Variants in NDC80 observed in about 807,000 individuals in gnomAD.
NDC80 encodes the protein NDC80 kinetochore complex component.
Under a neutral mutation model 89.3 loss-of-function variants are expected in NDC80, and 69 were observed. The observed-to-expected ratio is 0.77, with a 90% CI of 0.64 to 0.94. NDC80 has a LOEUF of 0.94. Ranked by LOEUF, NDC80 falls within the 40% of genes least tolerant of loss-of-function variation. The probability of loss-of-function intolerance (pLI) is 0.00; values close to 1 mark genes in which losing one functional copy is unlikely to be tolerated. For synonymous variants in NDC80, 243 were observed against 255.6 expected (o/e 0.95, Z 0.47); for missense variants, 593 against 739.6 (o/e 0.80, Z 2.30).
At chr18:2,592,256 T>C (rs533389621) in intron 10 of NDC80, among the ~76,000 whole-genome samples, 1 of 152,300 alleles carries the variant, frequency 6.6e-6, no homozygotes, top group Admixed American at 6.5e-5. Flanking sequence ...ATCTAAGATG[T>C]TTTTATTCTA....
intron 12 of NDC80, 49 bp downstream of exon 12, chr18:2,599,220 A>G (rs750186309): frequency 1.3e-6 from 2 of 1,513,028 alleles, no homozygotes; most frequent in Non-Finnish European, 8.9e-7. Context: ...TGTGATTGGT[A>G]TCTCTAAGAG....
intron 10 of NDC80, chr18:2,593,930 T>TCTCAAA (rs1193710938): frequency 1.1e-5 from 1 of 91,360 alleles, no homozygotes; most frequent in East Asian, 4.5e-4. Context: ...TTTCCGGGAG[T>TCTCAAA]CTCACTCTGT....
At chr18:2,578,202 A>T in intron 5 of NDC80, 61 bp downstream of exon 5, 1 of 1,467,294 alleles carries the variant, frequency 6.8e-7, no homozygotes, top group Non-Finnish European at 9.3e-7. Flanking sequence ...AACAAATTAA[A>T]TCAATTTGTA....
intron 13 of NDC80, among the ~76,000 whole-genome samples, chr18:2,603,201 A>G (rs1200424695): frequency 6.6e-6 from 1 of 152,010 alleles, no homozygotes; most frequent in Non-Finnish European, 1.5e-5. Context: ...TTGAAGCCAT[A>G]TATGTGGATG....
At chr18:2,608,644 A>G in intron 14 of NDC80, 56 bp from the exon 15 acceptor site, 1 of 1,533,794 alleles carries the variant, frequency 6.5e-7, no homozygotes, top group South Asian at 1.2e-5. Flanking sequence ...AAATCCACCT[A>G]GAGTATACAG....
chr18:2,610,584 A>G (rs1346875768), intron 15 of NDC80, among the ~76,000 whole-genome samples, 175 bp from the exon 16 acceptor site: 1 of 152,168 alleles, frequency 6.6e-6, no homozygotes, highest in Non-Finnish European at 1.5e-5. Flanking sequence ...GAAAATGTTT[A>G]TATTTCTCTT....
At chr18:2,578,376 T>C (rs1409780401) in intron 5 of NDC80, among the ~76,000 whole-genome samples, 1 of 152,128 alleles carries the variant, frequency 6.6e-6, no homozygotes, top group Non-Finnish European at 1.5e-5. Flanking sequence ...CTGATCAAGT[T>C]TGATGATGGG....
intron 5 of NDC80, 82 bp downstream of exon 5, chr18:2,578,223 G>A: frequency 7.4e-7 from 1 of 1,353,290 alleles, no homozygotes; most frequent in Non-Finnish European, 1.0e-6. Context: ...AAAAGTTTGA[G>A]TTACAGAAAT....
chr18:2,578,701 G>A (rs981928350), intron 5 of NDC80, among the ~76,000 whole-genome samples: 6 of 152,296 alleles, frequency 3.9e-5, no homozygotes, highest in South Asian at 2.1e-4. Context: ...CATATTGGTT[G>A]TATAGGTCAA....
At position 2,575,082 on chromosome 18, in the gene NDC80, A is replaced by G. The variant is rs1430537849; in HGVS notation, c.179+16A>G. The G allele has an allele frequency of 1.3e-6, 2 of 1,562,252 alleles. No homozygotes were observed. The highest frequency in any genetic ancestry group is 2.3e-5 in the East Asian group (1 of 44,290). On this transcript the variant is annotated intron_variant, in intron 3 of 16. Coordinates refer to ENST00000261597, the MANE Select transcript of NDC80 (RefSeq NM_006101.3). ...TTGGCAAAAGGTAATTATATTTTTC[A>G]TTAGCTCTAATAAAGGGATTCTTAT...
chr18:2,586,599 G>A (rs1371626861), intron 7 of NDC80, among the ~76,000 whole-genome samples: 1 of 152,044 alleles, frequency 6.6e-6, no homozygotes, highest in Non-Finnish European at 1.5e-5. Flanking sequence ...GTGTGGTGGT[G>A]CGTGCCTGTG....
intron 15 of NDC80, among the ~76,000 whole-genome samples, chr18:2,609,760 A>T (rs1008078013): frequency 6.6e-6 from 1 of 152,200 alleles, no homozygotes; most frequent in African/African-American, 2.4e-5. Flanking sequence ...TACTGGATGC[A>T]TGTGGCTCAT....
chr18:2,611,558 G>C (rs774989812), intron 16 of NDC80, among the ~76,000 whole-genome samples: 1 of 152,066 alleles, frequency 6.6e-6, no homozygotes, highest in Non-Finnish European at 1.5e-5. Flanking sequence ...ATTCCTTTCT[G>C]TGATTTCATA....
chr18:2,588,412 CTTT>C (rs79990238), intron 8 of NDC80, among the ~76,000 whole-genome samples: 1 of 143,320 alleles, frequency 7.0e-6, no homozygotes, highest in African/African-American at 2.6e-5. Flanking sequence ...TAAGGAAAAT[CTTT>C]TTTTTTTTTT....
At chr18:2,614,549 AAGGAAGGAAGGAAGGGAAAGAAAGAAAG>A (rs2072766285) in intron 16 of NDC80, 1 of 4,570 alleles carries the variant, frequency 2.2e-4, no homozygotes, top group African/African-American at 1.3e-3. Flanking sequence ...GGAAGGAAGG[AAGGAAGGAAGGAAGGGAAAGAAAGAAAG>A]AAAGAAAGAA....
Position 2,616,486 on chromosome 18 carries a change from G to A in NDC80, c.1841G>A (p.Cys614Tyr). The change falls in exon 17 of 17, where the codon TGC (cysteine) becomes TAC (tyrosine). Residue 614 changes from cysteine to tyrosine, a missense_variant. Cys to Tyr is a radical substitution (Grantham distance 194). Transcript: ENST00000261597. ...IAKVDREYEE[C>Y]MSEDLSENIK... is the part of the protein sequence containing the mutation. ...AAAGTTGATAGAGAATATGAAGAAT[G>A]CATGTCAGAAGATCTCTCGGAAAAT... 1 of 1,540,318 alleles carries A rather than the reference G, an allele frequency of 6.5e-7. No individual in the cohort carries two copies. Among genetic ancestry groups the A allele is most frequent in the Non-Finnish European group, 8.8e-7 (1 of 1,135,652 alleles).
chr18:2,614,065 C>G (rs1319637695), intron 16 of NDC80, among the ~76,000 whole-genome samples: 2 of 152,094 alleles, frequency 1.3e-5, no homozygotes, highest in Non-Finnish European at 2.9e-5. Flanking sequence ...TGATCATTAC[C>G]AAATGCCAGC....
chr18:2,586,101 A>G (rs1457269553), intron 7 of NDC80, among the ~76,000 whole-genome samples: 1 of 152,206 alleles, frequency 6.6e-6, no homozygotes, highest in East Asian at 1.9e-4. Flanking sequence ...CACTTAGAAG[A>G]AAAACTATTC....
At chr18:2,578,899 T>C in intron 5 of NDC80, 28 bp from the exon 6 acceptor site, 1 of 1,279,030 alleles carries the variant, frequency 7.8e-7, no homozygotes, top group Non-Finnish European at 1.1e-6. Flanking sequence ...AACATTAAAT[T>C]AGCTTATGTT....
Sources: gnomAD v4.1 joint callset for allele counts (sites outside exome capture counted in the v4.1 genomes callset) on GRCh38, gnomAD v4.1.1 for gene constraint, MANE v1.5 for transcripts, NCBI Gene and HGNC (gene_info 2026-07-23, HGNC 2026-07-21) for gene names.